Variants in REEP1 observed in about 807,000 individuals in gnomAD.
REEP1 encodes the protein receptor expression-enhancing protein 1.
REEP1 carries 22 observed loss-of-function variants against 40.3 expected under a neutral mutation model. That is an observed-to-expected ratio of 0.55 (90% confidence interval 0.39 to 0.78). The LOEUF (loss-of-function observed/expected upper bound fraction) is 0.78. REEP1 is among the 30% of genes least tolerant of loss of function. REEP1 has a pLI of 0.00. For synonymous variants in REEP1, 116 were observed against 139.2 expected (o/e 0.83, Z 1.17); for missense variants, 280 against 361.1 (o/e 0.78, Z 1.82).
intron 4 of REEP1, among the ~76,000 whole-genome samples, chr2:86,252,477 C>T (rs1334774920): frequency 2.6e-5 from 3 of 116,676 alleles, no homozygotes; most frequent in African/African-American, 7.7e-5. Context: ...GACTGCCAGA[C>T]CTTGGCAAGC....
At chr2:86,259,863 G>A (rs180775468) in intron 3 of REEP1, among the ~76,000 whole-genome samples, 8 of 152,296 alleles carry the variant, frequency 5.3e-5, no homozygotes, top group Admixed American at 5.2e-4. Flanking sequence ...GTGGGAAGAG[G>A]GGAATGGGGG....
chr2:86,252,148 T>C lies in REEP1; in HGVS notation c.304-78A>G, dbSNP rs1676319259. ...TGTTTTCTTTCCTTTCCTCTGAGCA[T>C]TGGGCTTGGCAGCTTGCCCAATCCT... is the stretch of plus-strand genomic sequence containing the variant. On this transcript the variant is annotated intron_variant, in intron 4 of 8. Transcript: ENST00000538924. 3.7e-6 allele frequency: 4 copies of C among 1,089,846 alleles called. No individual in the cohort carries two copies. The South Asian group carries it at 3.7e-5, about 10-fold the overall frequency. 67.5% of individuals were successfully genotyped at this position (1,089,846 alleles called of 1,614,324 possible).
intron 5 of REEP1, among the ~76,000 whole-genome samples, chr2:86,250,973 C>A (rs1486114953): frequency 6.6e-6 from 1 of 152,172 alleles, no homozygotes; most frequent in Non-Finnish European, 1.5e-5. Flanking sequence ...TCTTGCAAAC[C>A]TTTTAAGCCC....
chr2:86,270,487 G>A (rs913139916), intron 2 of REEP1, among the ~76,000 whole-genome samples: 2 of 152,196 alleles, frequency 1.3e-5, no homozygotes, highest in African/African-American at 4.8e-5. Context: ...GAGCCACCGT[G>A]CCCAGCCATA....
chr2:86,310,155 C>A (rs1346197857), intron 1 of REEP1, among the ~76,000 whole-genome samples: 10 of 152,192 alleles, frequency 6.6e-5, no homozygotes, highest in African/African-American at 2.4e-4. Flanking sequence ...AGCATCGCCT[C>A]CCCATGGTCC....
chr2:86,235,664 G>T (rs1346659023), intron 5 of REEP1, among the ~76,000 whole-genome samples: 1 of 152,148 alleles, frequency 6.6e-6, no homozygotes, highest in South Asian at 2.1e-4. Flanking sequence ...GCTCATTGTC[G>T]CTCAGCAACA....
At chr2:86,313,300 CT>C (rs77130679) in intron 1 of REEP1, among the ~76,000 whole-genome samples, 168 of 136,496 alleles carry the variant, frequency 1.2e-3, no homozygotes, top group Middle Eastern at 3.6e-3. Context: ...CTTTTCTTTT[CT>C]TTTTTTTTTT....
intron 3 of REEP1, 109 bp downstream of exon 3, chr2:86,263,856 C>T: frequency 1.2e-6 from 1 of 807,436 alleles, no homozygotes; most frequent in Non-Finnish European, 2.2e-6. Context: ...GCTCTTGCGT[C>T]TCTGGCCTGA....
chr2:86,228,209 G>A (rs1326684639), intron 6 of REEP1, among the ~76,000 whole-genome samples: 1 of 152,154 alleles, frequency 6.6e-6, no homozygotes, highest in African/African-American at 2.4e-5. Flanking sequence ...CACATACAGA[G>A]GTCTCTGTGT....
chr2:86,286,248 G>T (rs1304625089), intron 1 of REEP1, among the ~76,000 whole-genome samples: 1 of 152,188 alleles, frequency 6.6e-6, no homozygotes, highest in African/African-American at 2.4e-5. Flanking sequence ...TGATGCAGTG[G>T]TTCCCCACTG....
intron 3 of REEP1, among the ~76,000 whole-genome samples, chr2:86,256,076 C>T (rs1157815028): frequency 1.3e-5 from 2 of 152,214 alleles, no homozygotes; most frequent in Admixed American, 6.5e-5. Flanking sequence ...TGGCCGGGCG[C>T]GGTGGCTCAT....
In REEP1 at chr2:86,264,417, G is replaced by T. The variant is rs111508509; in HGVS notation, c.106-376C>A. On this transcript the variant is annotated intron_variant, in intron 2 of 8. Transcript: ENST00000538924. ...AGTGTAACTGGGCCACACTCTCTGG[G>T]ATGGCATGGTAGTAATCTAGGAATT... is the stretch of plus-strand genomic sequence containing the variant. 7.5e-4 allele frequency among the ~76,000 whole-genome samples: 114 copies of T among 151,660 alleles called. No individual in the cohort carries two copies. The Middle Eastern group carries it at 0.01, about 14-fold the overall frequency.
At chr2:86,245,531 C>T (rs1675890871) in intron 5 of REEP1, among the ~76,000 whole-genome samples, 1 of 152,308 alleles carries the variant, frequency 6.6e-6, no homozygotes, top group South Asian at 2.1e-4. Flanking sequence ...CTATGACGCA[C>T]TGCCTCCTTT....
At chr2:86,259,774 C>G (rs967538784) in intron 3 of REEP1, among the ~76,000 whole-genome samples, 28 of 152,016 alleles carry the variant, frequency 1.8e-4, no homozygotes, top group Admixed American at 3.3e-4. Flanking sequence ...TATTCTGGGA[C>G]CATAAATAAT....
intron 1 of REEP1, among the ~76,000 whole-genome samples, chr2:86,290,595 T>C (rs751849634): frequency 2.6e-5 from 4 of 152,192 alleles, no homozygotes; most frequent in Non-Finnish European, 5.9e-5. Context: ...AGAAGGTCCA[T>C]GTGTGGCAAA....
chr2:86,241,144 C>T (rs1415908389), intron 5 of REEP1, among the ~76,000 whole-genome samples: 1 of 152,208 alleles, frequency 6.6e-6, no homozygotes, highest in Non-Finnish European at 1.5e-5. Flanking sequence ...AGCAGCTGCC[C>T]CTGGCCTTGC....
chr2:86,224,899 G>A (rs1026745100), intron 7 of REEP1, among the ~76,000 whole-genome samples: 1 of 152,164 alleles, frequency 6.6e-6, no homozygotes, highest in East Asian at 1.9e-4. Context: ...GCAGTGTCAG[G>A]GGAAGAATGG....
At chr2:86,304,851 A>G (rs1679411346) in intron 1 of REEP1, among the ~76,000 whole-genome samples, 2 of 152,192 alleles carry the variant, frequency 1.3e-5, no homozygotes, top group Admixed American at 1.3e-4. Context: ...AGATGTCTGC[A>G]GGTTACTTAA....
At chr2:86,230,518 T>A (rs138545022) in intron 6 of REEP1, among the ~76,000 whole-genome samples, 17 of 152,336 alleles carry the variant, frequency 1.1e-4, no homozygotes, top group African/African-American at 3.6e-4. Context: ...CCCTCGAACC[T>A]GACCATCCAG....
Sources: allele counts gnomAD v4.1 joint callset (sites outside exome capture counted in the v4.1 genomes callset), GRCh38; gene constraint gnomAD v4.1.1; transcripts MANE v1.5; gene names NCBI Gene and HGNC (gene_info 2026-07-23, HGNC 2026-07-21).